Variants in CCDC191 observed in about 807,000 individuals in gnomAD.
CCDC191 encodes the protein coiled-coil domain-containing protein 191.
In CCDC191, 99 loss-of-function variants were observed where a neutral mutation model predicts 114.0. The ratio of observed to expected loss-of-function variants is 0.87; its 90% CI spans 0.74 to 1.03. CCDC191 has a LOEUF of 1.03. Among genes scored for constraint, CCDC191 ranks in the 50% least tolerant of loss-of-function variants. The pLI is 0.00. For synonymous variants in CCDC191, 351 were observed against 376.0 expected (o/e 0.93, Z 0.77); for missense variants, 973 against 1,087.0 (o/e 0.90, Z 1.47).
intron 16 of CCDC191, 89 bp downstream of exon 16, chr3:113,978,097 C>T (rs2074997600): frequency 1.4e-6 from 2 of 1,442,592 alleles, no homozygotes; most frequent in African/African-American, 2.8e-5. Context: ...GCCTCCAGCT[C>T]ATCTCTGCAG....
At chr3:114,056,113 A>G (rs543793644) in intron 1 of CCDC191, among the ~76,000 whole-genome samples, 28 of 152,204 alleles carry the variant, frequency 1.8e-4, no homozygotes, top group African/African-American at 6.5e-4. Flanking sequence ...TTTCACCCCG[A>G]TGGGCATTAG....
Position 114,036,729 on chromosome 3 carries a change from T to G in CCDC191, c.473A>C (p.Asp158Ala). The change falls in exon 5 of 17, where the codon GAC (aspartate) becomes GCC (alanine). Residue 158 changes from aspartate (D) to alanine (A), a missense_variant. Transcript: ENST00000295878. ...EESTTVQKFI[D>A]HLLHKNVVDS... ...TACCACATTTTTATGGAGCAGATGG[T>G]CTATAAATTTTTGAACGGTGGTACT... The G allele has an allele frequency of 6.3e-7, 1 of 1,593,182 alleles. No homozygotes were observed. The highest frequency in any genetic ancestry group is 8.6e-7 in the Non-Finnish European group (1 of 1,168,590).
At chr3:113,980,417 T>C (rs1358051959) in intron 14 of CCDC191, among the ~76,000 whole-genome samples, 1 of 152,174 alleles carries the variant, frequency 6.6e-6, no homozygotes, top group Non-Finnish European at 1.5e-5. Context: ...CTTGGGGGGA[T>C]CTCTAATAAA....
intron 2 of CCDC191, among the ~76,000 whole-genome samples, chr3:114,048,717 C>T (rs1391445729): frequency 6.6e-6 from 1 of 152,232 alleles, no homozygotes; most frequent in Non-Finnish European, 1.5e-5. Flanking sequence ...TTCTCCCCGT[C>T]CTCTGCTCTG....
intron 5 of CCDC191, among the ~76,000 whole-genome samples, chr3:114,035,476 C>T (rs550368240): frequency 2.0e-5 from 3 of 152,246 alleles, no homozygotes; most frequent in South Asian, 2.1e-4. Flanking sequence ...CCAAGGTGTA[C>T]ATTACTGCTT....
At chr3:114,018,316 A>G (rs1328396526) in intron 8 of CCDC191, among the ~76,000 whole-genome samples, 2 of 151,428 alleles carry the variant, frequency 1.3e-5, no homozygotes, top group African/African-American at 4.9e-5. Context: ...AAGATCATGT[A>G]CAATGTATAT....
intron 7 of CCDC191, among the ~76,000 whole-genome samples, chr3:114,025,964 A>G (rs919954141): frequency 6.6e-6 from 1 of 152,182 alleles, no homozygotes; most frequent in African/African-American, 2.4e-5. Flanking sequence ...CATGGCTCTC[A>G]AGATCCTTAT....
intron 10 of CCDC191, 33 bp downstream of exon 10, chr3:114,005,475 T>A: frequency 6.4e-7 from 1 of 1,555,860 alleles, no homozygotes; most frequent in Non-Finnish European, 8.7e-7. Flanking sequence ...CCCCTTAAAA[T>A]GAGTCCAGCG....
chr3:113,964,848 G>A lies in CCDC191; in HGVS notation c.*307C>T, dbSNP rs1468075187. 1 of 180,450 alleles carries A rather than the reference G, an allele frequency of 5.5e-6. No homozygotes were observed. The highest frequency in any genetic ancestry group is 2.3e-5 in the African/African-American group (1 of 42,684). The allele number at this position is 180,450 out of a possible 1,614,324, so 11.2% of individuals were successfully genotyped here. A position where few individuals can be genotyped will look rare whatever the true frequency, so the allele number is the denominator to read the frequency against. On this transcript the variant is annotated 3_prime_UTR_variant, in exon 17 of 17. Coordinates refer to ENST00000295878, the MANE Select transcript of CCDC191 (RefSeq NM_020817.2). Reference sequence around the variant, plus strand: ...GCTATACGGACACATTTTCTTCACAGGCTCAGTCAGGCAAACACTTGTCCT... The same window carrying A: ...GCTATACGGACACATTTTCTTCACAAGCTCAGTCAGGCAAACACTTGTCCT...
At position 114,005,887 on chromosome 3, in the gene CCDC191, T is replaced by G; in HGVS notation, c.1489A>C (p.Arg497=). The G allele has an allele frequency of 6.2e-7, 1 of 1,614,088 alleles. No individual in the cohort carries two copies. Among genetic ancestry groups the G allele is most frequent in the Non-Finnish European group, 8.5e-7 (1 of 1,179,980 alleles). Residue 497 remains arginine, a synonymous_variant, in exon 10 of 17, where the codon AGA becomes CGA. Transcript: ENST00000295878. ...SGCMLSPPLG[R]TTTGNLQGSL... ...CCCTGCAAGTTGCCTGTTGTTGTTC[T>G]TCCCAGGGGAGGACTGAGCATACAA...
intron 13 of CCDC191, 110 bp downstream of exon 13, chr3:114,001,485 G>A (rs769873028): frequency 7.6e-5 from 106 of 1,400,750 alleles, no homozygotes; most frequent in Non-Finnish European, 7.1e-5. Context: ...GTGAGGGTGA[G>A]AGAAGAGTAT....
At chr3:114,012,965 GT>G (rs1484614336) in intron 8 of CCDC191, among the ~76,000 whole-genome samples, 3 of 152,186 alleles carry the variant, frequency 2.0e-5, no homozygotes, top group Non-Finnish European at 2.9e-5. Flanking sequence ...TGAAAATGTA[GT>G]TGGCCAGGCG....
At chr3:114,015,489 T>C (rs1038137200) in intron 8 of CCDC191, among the ~76,000 whole-genome samples, 1 of 152,192 alleles carries the variant, frequency 6.6e-6, no homozygotes, top group Admixed American at 6.5e-5. Flanking sequence ...ATTTATGAGA[T>C]TTTGGTGCAG....
At position 114,035,154 on chromosome 3, in the gene CCDC191, A is replaced by G. The variant is rs781361381; in HGVS notation, c.595-6T>C. The G allele has an allele frequency of 6.3e-7, 1 of 1,598,130 alleles. No individual in the cohort carries two copies. Among genetic ancestry groups the G allele is most frequent in the Non-Finnish European group, 8.6e-7 (1 of 1,167,648 alleles). ...CTTAAGCGATTTTCTTTTACCTTAA[A>G]GCAAATATAATAAAGATGAAGTGTG... On this transcript the variant is annotated splice_region_variant and splice_polypyrimidine_tract_variant and intron_variant, in intron 5 of 16. Coordinates refer to ENST00000295878, the MANE Select transcript of CCDC191 (RefSeq NM_020817.2).
rs375228287 is a variant in CCDC191, at chr3:114,056,491, G to A, written c.-25C>T. On this transcript the variant is annotated 5_prime_UTR_variant, in exon 1 of 17. Transcript: ENST00000295878. ...TTTTCCAAGTTCGAGCCCGAACCTC[G>A]GCCAAAGCTGCAGCAACCGCCCTTC... 56 of 1,613,762 alleles carry A rather than the reference G, an allele frequency of 3.5e-5. No homozygotes were observed. Among genetic ancestry groups the A allele is most frequent in the Non-Finnish European group, 4.5e-5 (53 of 1,180,002 alleles).
intron 4 of CCDC191, among the ~76,000 whole-genome samples, chr3:114,041,363 C>T (rs1313508511): frequency 6.6e-6 from 1 of 152,120 alleles, no homozygotes; most frequent in Non-Finnish European, 1.5e-5. Flanking sequence ...GGTAACAACT[C>T]CTACAAAAAA....
In CCDC191 at chr3:114,056,509, C is replaced by T. The variant is rs1265688065; in HGVS notation, c.-43G>A. ...GAACCTCGGCCAAAGCTGCAGCAAC[C>T]GCCCTTCTGCCCGGGCTGCCTCCGG... On this transcript the variant is annotated 5_prime_UTR_variant, in exon 1 of 17. Transcript: ENST00000295878. 2.5e-6 allele frequency: 4 copies of T among 1,613,338 alleles called. No individual in the cohort carries two copies. Among genetic ancestry groups the T allele is most frequent in the Non-Finnish European group, 3.4e-6 (4 of 1,179,946 alleles).
At chr3:114,047,416 C>T (rs1435267172) in intron 2 of CCDC191, among the ~76,000 whole-genome samples, 1 of 152,198 alleles carries the variant, frequency 6.6e-6, no homozygotes, top group Non-Finnish European at 1.5e-5. Flanking sequence ...AATCATAGCA[C>T]TTTGGAAGGC....
intron 12 of CCDC191, 51 bp downstream of exon 12, chr3:114,002,405 A>G: frequency 7.6e-7 from 1 of 1,319,498 alleles, no homozygotes; most frequent in Non-Finnish European, 1.1e-6. Context: ...TTTAAGAAAG[A>G]CCTGGACAAA....
Sources: allele counts gnomAD v4.1 joint callset (sites outside exome capture counted in the v4.1 genomes callset), GRCh38; gene constraint gnomAD v4.1.1; transcripts MANE v1.5; gene names NCBI Gene and HGNC (gene_info 2026-07-23, HGNC 2026-07-21).